LPCAT2: variants seen among roughly 807,000 people sequenced by gnomAD.
LPCAT2 encodes the protein lysophosphatidylcholine acyltransferase 2.
In LPCAT2, 58 loss-of-function variants were observed where a neutral mutation model predicts 64.7. The ratio of observed to expected loss-of-function variants is 0.90; its 90% CI spans 0.73 to 1.12. The LOEUF is 1.12. Ranked by LOEUF, LPCAT2 falls within the 50% of genes most tolerant of loss-of-function variation. The pLI is 0.00. For missense variants in LPCAT2, 579 were observed against 669.8 expected, an observed-to-expected ratio of 0.86 and a Z score of 1.50; for synonymous variants, 252 against 245.3, an observed-to-expected ratio of 1.03 and a Z score of -0.26.
intron 3 of LPCAT2, among the ~76,000 whole-genome samples, chr16:55,529,292 A>T (rs1963218884): frequency 6.6e-6 from 1 of 151,908 alleles, no homozygotes. Context: ...CAGCTTTGTC[A>T]TTCAGCTAAG....
intron 1 of LPCAT2, among the ~76,000 whole-genome samples, chr16:55,514,248 C>A (rs1690928842): frequency 6.6e-6 from 1 of 152,072 alleles, no homozygotes; most frequent in African/African-American, 2.4e-5. Context: ...ATTCTCAAGG[C>A]TATGCACATG....
Position 55,525,639 on chromosome 16 carries a change from T to C in LPCAT2, c.303T>C (p.Gly101=). The C allele has an allele frequency of 6.3e-7, 1 of 1,599,950 alleles. No individual in the cohort carries two copies. The change falls in exon 2 of 14, where the codon GGT becomes GGC. Residue 101 remains glycine (G), a synonymous_variant. Transcript: ENST00000262134. The part of the protein sequence containing the change: ...CPEKLTHPIT[G]WRRKITQTAL... Reference sequence around the variant, plus strand: ...AAAAGCTGACCCACCCAATAACTGGTTGGAGGAGGTAAGAAATAATTTTGT... The same window carrying C: ...AAAAGCTGACCCACCCAATAACTGGCTGGAGGAGGTAAGAAATAATTTTGT...
intron 11 of LPCAT2, chr16:55,567,251 T>C: frequency 6.2e-7 from 1 of 1,613,640 alleles, no homozygotes; most frequent in Non-Finnish European, 8.5e-7. Context: ...ACAGGGACCA[T>C]TCTGGGTCTC....
chr16:55,569,710 C>T (rs1203238854), intron 11 of LPCAT2, among the ~76,000 whole-genome samples: 6 of 152,158 alleles, frequency 3.9e-5, no homozygotes, highest in African/African-American at 1.4e-4. Flanking sequence ...ACCTAAGTTT[C>T]TCTCCTTTTC....
chr16:55,547,582 G>C (rs891843881), intron 9 of LPCAT2, among the ~76,000 whole-genome samples: 4 of 152,252 alleles, frequency 2.6e-5, no homozygotes, highest in Middle Eastern at 3.4e-3. Context: ...GGTAGTGACT[G>C]TCTGGGCTAG....
At chr16:55,523,720 T>TAA (rs1249931140) in intron 1 of LPCAT2, among the ~76,000 whole-genome samples, 2 of 151,842 alleles carry the variant, frequency 1.3e-5, no homozygotes, top group African/African-American at 2.4e-5. Context: ...CTAGAGCAGG[T>TAA]AAAACTACAG....
At chr16:55,559,615 C>T (rs1265877176) in intron 11 of LPCAT2, among the ~76,000 whole-genome samples, 1 of 152,058 alleles carries the variant, frequency 6.6e-6, no homozygotes, top group Non-Finnish European at 1.5e-5. Context: ...TGGAAACAAA[C>T]AGTAAAGTCT....
At chr16:55,565,810 C>A (rs191683605) in intron 11 of LPCAT2, among the ~76,000 whole-genome samples, 1 of 152,018 alleles carries the variant, frequency 6.6e-6, no homozygotes, top group African/African-American at 2.4e-5. Flanking sequence ...ATACTTAATG[C>A]CACTGAACTC....
chr16:55,550,784 A>G (rs1351028823), intron 10 of LPCAT2, among the ~76,000 whole-genome samples, 165 bp from the exon 11 acceptor site: 2 of 152,326 alleles, frequency 1.3e-5, no homozygotes, highest in East Asian at 1.9e-4. Context: ...AAATGCCTGC[A>G]TATATGTTGA....
chr16:55,522,888 G>A (rs954703914), intron 1 of LPCAT2, among the ~76,000 whole-genome samples: 3 of 151,450 alleles, frequency 2.0e-5, no homozygotes, highest in Non-Finnish European at 3.0e-5. Flanking sequence ...ATATCTTCAA[G>A]ACCTTGAGGT....
At position 55,509,136 on chromosome 16, in the gene LPCAT2, G is replaced by A; in HGVS notation, c.-46G>A. On this transcript the variant is annotated 5_prime_UTR_variant, in exon 1 of 14. Transcript: ENST00000262134. ...GGTCTTCGGCTCAGTTTTGGCTGCA[G>A]CGCCCGCGTAGATCGCTTCGGCCGG... is the stretch of plus-strand genomic sequence containing the variant. 7.7e-7 allele frequency: 1 copy of A among 1,299,664 alleles called. No individual in the cohort carries two copies. The allele number at this position is 1,299,664 out of a possible 1,614,324, so 80.5% of individuals were successfully genotyped here.
intron 11 of LPCAT2, chr16:55,566,813 T>C (rs758187748): frequency 2.5e-6 from 4 of 1,613,732 alleles, no homozygotes; most frequent in Non-Finnish European, 3.4e-6. Flanking sequence ...GAGAAGCTCT[T>C]GGAGGCCTCT....
chr16:55,537,530 G>A, intron 7 of LPCAT2, 48 bp from the exon 8 acceptor site: 1 of 1,375,772 alleles, frequency 7.3e-7, no homozygotes, highest in Non-Finnish European at 1.0e-6. Context: ...AATATAAGAT[G>A]ATACTTGCAT....
intron 1 of LPCAT2, among the ~76,000 whole-genome samples, chr16:55,522,917 A>G (rs1486343682): frequency 6.6e-6 from 1 of 151,698 alleles, no homozygotes; most frequent in African/African-American, 2.4e-5. Context: ...TTTCAGAAGG[A>G]CACAGAAAAG....
Position 55,574,636 on chromosome 16 carries a change from T to G in LPCAT2, c.1221T>G (p.His407Gln). ...RQLFALFDRN[H>Q]DGSIDFREYV... ...TTTATCCCATCCTTTCACAGAACCA[T>G]GATGGCAGCATTGACTTCCGAGAGT... is the stretch of plus-strand genomic sequence containing the variant. The change falls in exon 12 of 14, where the codon CAT (histidine) becomes CAG (glutamine). Residue 407 changes from histidine (H) to glutamine (Q), a missense_variant. His to Gln is a conservative substitution (Grantham distance 24, BLOSUM62 0). Coordinates refer to ENST00000262134, the MANE Select transcript of LPCAT2 (RefSeq NM_017839.5). 1 of 1,611,032 alleles carries G rather than the reference T, an allele frequency of 6.2e-7. No individual in the cohort carries two copies. Among genetic ancestry groups the G allele is most frequent in the Non-Finnish European group, 8.5e-7 (1 of 1,177,346 alleles).
At chr16:55,559,903 C>A (rs1335193014) in intron 11 of LPCAT2, among the ~76,000 whole-genome samples, 1 of 152,110 alleles carries the variant, frequency 6.6e-6, no homozygotes, top group South Asian at 2.1e-4. Flanking sequence ...TCACTTAGCT[C>A]CTCCATTTAG....
chr16:55,564,656 A>C (rs1963672268), intron 11 of LPCAT2, among the ~76,000 whole-genome samples: 1 of 152,006 alleles, frequency 6.6e-6, no homozygotes, highest in African/African-American at 2.4e-5. Context: ...AAAAGAATGA[A>C]GTTGGACCCT....
chr16:55,516,579 G>A (rs1367768030), intron 1 of LPCAT2, among the ~76,000 whole-genome samples: 1 of 152,142 alleles, frequency 6.6e-6, no homozygotes, highest in African/African-American at 2.4e-5. Context: ...TGATAAGAGG[G>A]TTGATTCATT....
At chr16:55,540,996 T>G (rs1476179858) in intron 8 of LPCAT2, 1 of 152,120 alleles carries the variant, frequency 6.6e-6, no homozygotes. Context: ...CTCTTCTCCT[T>G]GTGATGAAGA....
Sources: allele counts gnomAD v4.1 joint callset (sites outside exome capture counted in the v4.1 genomes callset), GRCh38; gene constraint gnomAD v4.1.1; transcripts MANE v1.5; gene names NCBI Gene and HGNC (gene_info 2026-07-23, HGNC 2026-07-21).